ZNF264: variants seen among roughly 807,000 people sequenced by gnomAD.
ZNF264 encodes the protein zinc finger protein 264.
Under a neutral mutation model 11.2 loss-of-function variants are expected in ZNF264, and 11 were observed. The observed-to-expected ratio is 0.98, with a 90% confidence interval of 0.62 to 1.63. ZNF264 has a LOEUF of 1.63. ZNF264 is among the 40% of genes most tolerant of loss of function. The pLI is 0.00. For missense variants in ZNF264, 752 were observed against 768.1 expected (o/e 0.98, Z 0.25); for synonymous variants, 309 against 279.8 (o/e 1.10, Z -1.04).
In ZNF264 at chr19:57,211,797, A is replaced by G; in HGVS notation, c.700A>G (p.Thr234Ala). 1 of 1,614,238 alleles carries G rather than the reference A, an allele frequency of 6.2e-7. No homozygotes were observed. Among genetic ancestry groups the G allele is most frequent in the Non-Finnish European group, 8.5e-7 (1 of 1,180,046 alleles). ...IHSGVKPYEC[T>A]ECGKTFIKST... ...CTCTGGAGTTAAGCCCTATGAATGC[A>G]CAGAATGTGGGAAAACCTTTATTAA... The change falls in exon 4 of 4, where the codon ACA (threonine) becomes GCA (alanine). Residue 234 changes from threonine (T) to alanine (A), a missense_variant. Coordinates refer to ENST00000263095, the MANE Select transcript of ZNF264 (RefSeq NM_003417.5).
chr19:57,191,817 G>C lies in ZNF264; in HGVS notation c.-97G>C, dbSNP rs1191471991. On this transcript the variant is annotated 5_prime_UTR_variant, in exon 1 of 4. Coordinates refer to ENST00000263095, the MANE Select transcript of ZNF264 (RefSeq NM_003417.5). ...GAGGCGGCGGCCCCGAGCGCGCCTG[G>C]AAGCCCCGGGCAACCGGCCAGGGTC... 9.6e-7 allele frequency: 1 copy of C among 1,043,722 alleles called. No homozygotes were observed. The highest frequency in any genetic ancestry group is 1.2e-6 in the Non-Finnish European group (1 of 811,018). 64.7% of individuals were successfully genotyped at this position (1,043,722 alleles called of 1,614,324 possible).
chr19:57,206,668 T>G (rs2087295220), intron 3 of ZNF264, among the ~76,000 whole-genome samples: 1 of 150,986 alleles, frequency 6.6e-6, no homozygotes, highest in South Asian at 2.1e-4. Flanking sequence ...AGAGTGATGC[T>G]ATGTTACATT....
At chr19:57,204,537 G>A (rs747813585) in intron 2 of ZNF264, among the ~76,000 whole-genome samples, 8 of 152,176 alleles carry the variant, frequency 5.3e-5, no homozygotes, top group Non-Finnish European at 1.2e-4. Context: ...CTTGCCTGCT[G>A]CCATGTAAGA....
chr19:57,196,637 G>A (rs2087213726), intron 2 of ZNF264, among the ~76,000 whole-genome samples: 1 of 151,870 alleles, frequency 6.6e-6, no homozygotes, highest in African/African-American at 2.4e-5. Flanking sequence ...GGGTGGCTGG[G>A]GAAAGAGGCT....
rs375544092 is a variant in ZNF264, at chr19:57,216,503, A to G, written c.*3522A>G. The stretch of plus-strand genomic sequence containing the variant: ...TTTGTGGTGAATTGACTCTTCTGTC[A>G]TTATGTGATGTCATTTTTTTGCCTT... On this transcript the variant is annotated 3_prime_UTR_variant, in exon 4 of 4. Coordinates refer to ENST00000263095, the MANE Select transcript of ZNF264 (RefSeq NM_003417.5). The G allele has an allele frequency of 6.6e-6, 1 of 152,194 alleles. No individual in the cohort carries two copies. The highest frequency in any genetic ancestry group is 2.4e-5 in the African/African-American group (1 of 41,456). The allele number at this position is 152,194 out of a possible 1,614,324, so 9.4% of individuals were successfully genotyped here.
intron 2 of ZNF264, among the ~76,000 whole-genome samples, chr19:57,198,990 T>G (rs2087232149): frequency 1.3e-5 from 2 of 151,948 alleles, no homozygotes; most frequent in South Asian, 4.1e-4. Context: ...CCTGGAAGTT[T>G]TCTGCTTATA....
At chr19:57,192,684 G>C (rs906847871) in intron 1 of ZNF264, 1 of 468,328 alleles carries the variant, frequency 2.1e-6, no homozygotes, top group Admixed American at 6.4e-5. Context: ...TTCCAGTGCC[G>C]CTCTGTGGGG....
intron 3 of ZNF264, among the ~76,000 whole-genome samples, chr19:57,205,861 C>T (rs2087288224): frequency 6.6e-6 from 1 of 152,160 alleles, no homozygotes; most frequent in African/African-American, 2.4e-5. Context: ...TTAACAGTAG[C>T]TGCTGTATCA....
In ZNF264 at chr19:57,215,337, ATTC is replaced by A. The variant is rs1233695983; in HGVS notation, c.*2359_*2361del. On this transcript the variant is annotated 3_prime_UTR_variant, in exon 4 of 4. Transcript: ENST00000263095. ...TCATCTGTATTTGTAGCACTCCCTT[ATTC>A]TTTTGATAGCAGGATCTGCACTTCT... 1.3e-5 allele frequency: 2 copies of A among 152,174 alleles called. No homozygotes were observed. Among genetic ancestry groups the A allele is most frequent in the Admixed American group, 6.5e-5 (1 of 15,286 alleles). 9.4% of individuals were successfully genotyped at this position (152,174 alleles called of 1,614,324 possible).
intron 2 of ZNF264, among the ~76,000 whole-genome samples, chr19:57,202,687 C>T (rs2087262050): frequency 6.6e-6 from 1 of 151,840 alleles, no homozygotes; most frequent in African/African-American, 2.4e-5. Flanking sequence ...GCTCTGTGCC[C>T]CTTCCGCCAC....
At chr19:57,201,157 T>C (rs1479237600) in intron 2 of ZNF264, among the ~76,000 whole-genome samples, 1 of 152,000 alleles carries the variant, frequency 6.6e-6, no homozygotes, top group Non-Finnish European at 1.5e-5. Flanking sequence ...GGCCTGGCAT[T>C]TGTATGGTAC....
rs533260507 is a variant in ZNF264 at position 57,214,480 on chromosome 19, T to G, written c.*1499T>G. 1 of 152,052 alleles carries G rather than the reference T, an allele frequency of 6.6e-6. No individual in the cohort carries two copies. Among genetic ancestry groups the G allele is most frequent in the East Asian group, 1.9e-4 (1 of 5,168 alleles). 9.4% of individuals were successfully genotyped at this position (152,052 alleles called of 1,614,324 possible). On this transcript the variant is annotated 3_prime_UTR_variant, in exon 4 of 4. Coordinates refer to ENST00000263095, the MANE Select transcript of ZNF264 (RefSeq NM_003417.5). ...CACCTCAGCCCTCACCACCCCCCAG[T>G]AGCTGGTACTACAAGCATGCACCAC... is the stretch of plus-strand genomic sequence containing the variant.
At chr19:57,201,936 G>T (rs1174114413) in intron 2 of ZNF264, among the ~76,000 whole-genome samples, 1 of 151,868 alleles carries the variant, frequency 6.6e-6, no homozygotes, top group Non-Finnish European at 1.5e-5. Flanking sequence ...TATGGGCCAA[G>T]TGTGGTAGCT....
intron 3 of ZNF264, among the ~76,000 whole-genome samples, chr19:57,206,410 A>AT (rs767273252): frequency 0.047 from 6,825 of 144,824 alleles, 516 homozygotes; most frequent in African/African-American, 0.16. Context: ...CGCCCAGCTA[A>AT]TTTTTTTTTT....
chr19:57,193,861 G>GT lies in ZNF264; in HGVS notation c.34-11dup. The GT allele has an allele frequency of 6.2e-7, 1 of 1,613,862 alleles. No individual in the cohort carries two copies. The highest frequency in any genetic ancestry group is 8.5e-7 in the Non-Finnish European group (1 of 1,179,842). On this transcript the variant is annotated splice_polypyrimidine_tract_variant and intron_variant, in intron 1 of 3. Transcript: ENST00000263095. ...CTGAAAGGCCAATACTACTAATTCTGTTTGACTTTCCAGGTGTCTGTGACC... is the reference window on the plus strand; with the variant it reads ...CTGAAAGGCCAATACTACTAATTCTGTTTTGACTTTCCAGGTGTCTGTGACC...
chr19:57,193,976 A>C lies in ZNF264; in HGVS notation c.135A>C (p.Glu45Asp), dbSNP rs1349026623. ...CCCTGTACCAGGAGGTGATGCTGGA[A>C]AACTGTGGGCTCCTGGTGTCTCTGG... is the stretch of plus-strand genomic sequence containing the variant. ...QRTLYQEVML[E>D]NCGLLVSLGC... is the part of the protein sequence containing the mutation. The change falls in exon 2 of 4, where the codon GAA becomes GAC. Residue 45 changes from glutamate to aspartate, a missense_variant. By Grantham distance (45) the Glu-to-Asp change is conservative. Coordinates refer to ENST00000263095, the MANE Select transcript of ZNF264 (RefSeq NM_003417.5). 6.2e-7 allele frequency: 1 copy of C among 1,612,880 alleles called. No individual in the cohort carries two copies. Among genetic ancestry groups the C allele is most frequent in the African/African-American group, 1.3e-5 (1 of 74,856 alleles).
At chr19:57,204,694 G>A (rs987916383) in intron 2 of ZNF264, among the ~76,000 whole-genome samples, 3 of 152,116 alleles carry the variant, frequency 2.0e-5, no homozygotes, top group South Asian at 2.1e-4. Context: ...AAGTTATTAC[G>A]TGAAAAGGGC....
chr19:57,210,838 CAGAT>C (rs1248860832), intron 3 of ZNF264, among the ~76,000 whole-genome samples: 5 of 152,300 alleles, frequency 3.3e-5, no homozygotes, highest in Non-Finnish European at 5.9e-5. Flanking sequence ...CATAAACTGT[CAGAT>C]AGGGCCATTG....
intron 2 of ZNF264, among the ~76,000 whole-genome samples, chr19:57,204,081 G>A (rs754061674): frequency 6.6e-6 from 1 of 152,082 alleles, no homozygotes; most frequent in Non-Finnish European, 1.5e-5. Flanking sequence ...CAGCTCCTCG[G>A]GAGGCTGAGG....
Sources: allele counts gnomAD v4.1 joint callset (sites outside exome capture counted in the v4.1 genomes callset), GRCh38; gene constraint gnomAD v4.1.1; transcripts MANE v1.5; gene names NCBI Gene and HGNC (gene_info 2026-07-23, HGNC 2026-07-21).